NUP210: variants seen among roughly 807,000 people sequenced by gnomAD.
NUP210 encodes nuclear pore membrane glycoprotein 210.
In NUP210, 151 loss-of-function variants were observed where a neutral mutation model predicts 196.0. That is an observed-to-expected ratio of 0.77 (90% CI 0.67 to 0.88). The LOEUF is 0.88. Among genes scored for constraint, NUP210 ranks in the 40% least tolerant of loss-of-function variants. NUP210 has a pLI of 0.00. For missense variants in NUP210, 2,314 were observed against 2,493.7 expected, an observed-to-expected ratio of 0.93 and a Z score of 1.53; for synonymous variants, 1,070 against 1,052.7, an observed-to-expected ratio of 1.02 and a Z score of -0.32.
Position 13,330,456 on chromosome 3 carries a change from C to T in NUP210, c.4110+4G>A, listed in dbSNP as rs374930638. 135 of 1,613,464 alleles carry T rather than the reference C, an allele frequency of 8.4e-5. No individual in the cohort carries two copies. The highest frequency in any genetic ancestry group is 1.1e-4 in the Non-Finnish European group (124 of 1,179,646). On this transcript the variant is annotated splice_donor_region_variant and intron_variant, in intron 30 of 39. Coordinates refer to ENST00000254508, the MANE Select transcript of NUP210 (RefSeq NM_024923.4). ...CTCCAAAAAGGAGGAGAATGCAACC[C>T]TACCTTTACAGCAACAATGATGGTT...
At chr3:13,382,544 C>G (rs1300074839) in intron 6 of NUP210, among the ~76,000 whole-genome samples, 2 of 150,436 alleles carry the variant, frequency 1.3e-5, no homozygotes, top group Non-Finnish European at 3.0e-5. Context: ...AAGGGAGGAG[C>G]CAAAAAAAAG....
At chr3:13,386,925 C>T (rs556582666) in intron 5 of NUP210, among the ~76,000 whole-genome samples, 2 of 152,316 alleles carry the variant, frequency 1.3e-5, no homozygotes, top group South Asian at 2.1e-4. Flanking sequence ...TGGGCAACTT[C>T]GCAATGGGAG....
chr3:13,360,297 A>T lies in NUP210; in HGVS notation c.2127T>A (p.Leu709=). The T allele has an allele frequency of 6.2e-7, 1 of 1,614,242 alleles. No homozygotes were observed. The highest frequency in any genetic ancestry group is 8.5e-7 in the Non-Finnish European group (1 of 1,180,044). The part of the protein sequence containing the change: ...SSRNYQQHWI[L]VTCQALGEQV... ...GCTCACCCAAGGCCTGACAGGTCAC[A>T]AGGATCCAGTGTTGCTGATAATTCC... is the stretch of plus-strand genomic sequence containing the variant. Residue 709 remains leucine (L), a synonymous_variant, in exon 15 of 40, where the codon CTT becomes CTA. Transcript: ENST00000254508.
At chr3:13,401,508 G>A (rs536175086) in intron 1 of NUP210, among the ~76,000 whole-genome samples, 23 of 152,244 alleles carry the variant, frequency 1.5e-4, no homozygotes, top group South Asian at 1.5e-3. Flanking sequence ...TCTACACCCC[G>A]GAGGAAGTGT....
At chr3:13,410,813 G>A (rs1700148973) in intron 1 of NUP210, among the ~76,000 whole-genome samples, 1 of 151,254 alleles carries the variant, frequency 6.6e-6, no homozygotes, top group South Asian at 2.1e-4. Flanking sequence ...AGCTACTTGG[G>A]AGGCTGAGGC....
At chr3:13,325,463 T>G (rs1322869588) in intron 33 of NUP210, among the ~76,000 whole-genome samples, 4 of 152,174 alleles carry the variant, frequency 2.6e-5, no homozygotes, top group Admixed American at 2.6e-4. Context: ...ACAGGGAGTC[T>G]TAGCCTTGCA....
At chr3:13,405,174 A>C (rs1699965527) in intron 1 of NUP210, among the ~76,000 whole-genome samples, 1 of 152,208 alleles carries the variant, frequency 6.6e-6, no homozygotes, top group East Asian at 1.9e-4. Flanking sequence ...TTAGCATTTG[A>C]ATCTGTGGCC....
chr3:13,352,056 A>G, intron 19 of NUP210, 24 bp downstream of exon 19: 1 of 1,604,626 alleles, frequency 6.2e-7, no homozygotes, highest in Non-Finnish European at 8.5e-7. Flanking sequence ...CTTGCCCAGG[A>G]AGGTGGCAGG....
Position 13,391,192 on chromosome 3 carries a change from TA to T in NUP210, c.533+18del. 1 of 1,588,370 alleles carries T rather than the reference TA, an allele frequency of 6.3e-7. No individual in the cohort carries two copies. The highest frequency in any genetic ancestry group is 1.1e-5 in the South Asian group (1 of 89,012). The stretch of plus-strand genomic sequence containing the variant: ...CCCTTCCCTTCAAAGGGGCCAGGCC[TA>T]GCAGAGGCACCCCTTACCGCAGCGC... On this transcript the variant is annotated intron_variant, in intron 4 of 39. Coordinates refer to ENST00000254508, the MANE Select transcript of NUP210 (RefSeq NM_024923.4).
intron 11 of NUP210, among the ~76,000 whole-genome samples, chr3:13,374,278 G>T (rs1250782241): frequency 1.3e-5 from 2 of 151,996 alleles, no homozygotes; most frequent in African/African-American, 4.8e-5. Context: ...CGCACCCACG[G>T]TACACTCACA....
intron 26 of NUP210, 100 bp from the exon 27 acceptor site, chr3:13,337,018 A>C: frequency 7.0e-7 from 1 of 1,422,114 alleles, no homozygotes; most frequent in Non-Finnish European, 9.8e-7. Context: ...GATGAACCCA[A>C]TTCCTCCCCA....
intron 16 of NUP210, among the ~76,000 whole-genome samples, chr3:13,357,904 G>T (rs1003654538): frequency 2.0e-5 from 3 of 152,206 alleles, no homozygotes; most frequent in African/African-American, 7.2e-5. Flanking sequence ...TCAAGGCACA[G>T]AAGACAACAA....
rs372026570 is a variant in NUP210, at chr3:13,376,304, G to A, written c.1280C>T (p.Ser427Phe). The part of the protein sequence containing the change: ...GQTAIDAALT[S>F]VVDQDGGVHI... ...ACACCAACTTGCCTGGTCCACCACA[G>A]AGGTGAGGGCCGCGTCAATGGCCGT... is the stretch of plus-strand genomic sequence containing the variant. Residue 427 changes from serine (S) to phenylalanine (F), a missense_variant, in exon 10 of 40, where the codon TCT becomes TTT. Coordinates refer to ENST00000254508, the MANE Select transcript of NUP210 (RefSeq NM_024923.4). 7.4e-6 allele frequency: 12 copies of A among 1,613,698 alleles called. No homozygotes were observed. Among genetic ancestry groups the A allele is most frequent in the Non-Finnish European group, 7.6e-6 (9 of 1,180,036 alleles).
chr3:13,374,930 C>T (rs548532824), intron 11 of NUP210, among the ~76,000 whole-genome samples: 5 of 152,300 alleles, frequency 3.3e-5, no homozygotes, highest in Admixed American at 6.5e-5. Flanking sequence ...CTGTCTAAGG[C>T]GAGTCCTGCT....
At position 13,319,752 on chromosome 3, in the gene NUP210, C is replaced by T. The variant is rs780296745; in HGVS notation, c.5383+11G>A. The T allele has an allele frequency of 1.9e-6, 3 of 1,612,708 alleles. No individual in the cohort carries two copies. Among genetic ancestry groups the T allele is most frequent in the Admixed American group, 1.7e-5 (1 of 59,984 alleles). ...CTGGTCTGTCCCAGATGATGTCGTT[C>T]CGTGACTCACAAGGACCGGGCCCAC... On this transcript the variant is annotated intron_variant, in intron 37 of 39. Coordinates refer to ENST00000254508, the MANE Select transcript of NUP210 (RefSeq NM_024923.4).
Position 13,354,059 on chromosome 3 carries a change from C to T in NUP210, c.2377G>A (p.Asp793Asn), listed in dbSNP as rs779451401. ...TTGTCGAACCGGCGGCCCTCCTGGTCGTAAGCAGCCAGGTCCAGCCGGGGG... is the reference window on the plus strand; with the variant it reads ...TTGTCGAACCGGCGGCCCTCCTGGTTGTAAGCAGCCAGGTCCAGCCGGGGG... The part of the protein sequence containing the change: ...RNPRLDLAAY[D>N]QEGRRFDNFS... Residue 793 changes from aspartate (D) to asparagine (N), a missense_variant, in exon 17 of 40, where the codon GAC becomes AAC. By Grantham distance (23) the Asp-to-Asn change is conservative. Transcript: ENST00000254508. 1.6e-5 allele frequency: 25 copies of T among 1,604,008 alleles called. No individual in the cohort carries two copies. The highest frequency in any genetic ancestry group is 1.6e-4 in the Middle Eastern group (1 of 6,076).
intron 6 of NUP210, among the ~76,000 whole-genome samples, chr3:13,380,805 C>A (rs1234122490): frequency 1.3e-5 from 2 of 152,224 alleles, no homozygotes; most frequent in East Asian, 3.8e-4. Flanking sequence ...TCCAGGGATT[C>A]TGATGAGAAT....
intron 21 of NUP210, 40 bp downstream of exon 21, chr3:13,343,135 A>G (rs1053751995): frequency 3.9e-5 from 63 of 1,610,246 alleles, no homozygotes; most frequent in Non-Finnish European, 5.1e-5. Context: ...CAGTTCCTGC[A>G]GGTCAGCCGA....
At chr3:13,386,588 A>T (rs531729847) in intron 5 of NUP210, among the ~76,000 whole-genome samples, 181 bp from the exon 6 acceptor site, 1 of 152,284 alleles carries the variant, frequency 6.6e-6, no homozygotes, top group East Asian at 1.9e-4. Context: ...CTCCATAAGT[A>T]TAGCAGGCAC....
Sources: allele counts gnomAD v4.1 joint callset (sites outside exome capture counted in the v4.1 genomes callset), GRCh38; gene constraint gnomAD v4.1.1; transcripts MANE v1.5; gene names NCBI Gene and HGNC (gene_info 2026-07-23, HGNC 2026-07-21).